The following FRA10AC1 variants were observed in gnomAD, a reference collection of about 807,000 sequenced individuals.
FRA10AC1 encodes the protein FRA10A associated CGG repeat 1.
Under a neutral mutation model 56.5 loss-of-function variants are expected in FRA10AC1, and 43 were observed. The ratio of observed to expected loss-of-function variants is 0.76; its 90% CI spans 0.60 to 0.98. The LOEUF (loss-of-function observed/expected upper bound fraction) is 0.98, where lower values mean the gene tolerates loss of function less well. Among genes scored for constraint, FRA10AC1 ranks in the 50% least tolerant of loss-of-function variants. The probability of loss-of-function intolerance (pLI) is 0.00; values close to 1 mark genes in which losing one functional copy is unlikely to be tolerated. For synonymous variants in FRA10AC1, 112 were observed against 110.5 expected, an observed-to-expected ratio of 1.01 and a Z score of -0.09; for missense variants, 346 against 351.8, an observed-to-expected ratio of 0.98 and a Z score of 0.13.
chr10:93,684,594 A>G (rs2058993389), intron 9 of FRA10AC1, among the ~76,000 whole-genome samples: 1 of 151,260 alleles, frequency 6.6e-6, no homozygotes, highest in Non-Finnish European at 1.5e-5. Context: ...CTGTATTGAC[A>G]TGCATACGTA....
intron 10 of FRA10AC1, among the ~76,000 whole-genome samples, chr10:93,683,172 C>T (rs955125951): frequency 6.6e-6 from 1 of 152,086 alleles, no homozygotes; most frequent in African/African-American, 2.4e-5. Context: ...CTCATTTTTA[C>T]AGGTGATAAA....
intron 7 of FRA10AC1, among the ~76,000 whole-genome samples, chr10:93,689,088 G>A (rs1052177727): frequency 5.4e-5 from 7 of 130,300 alleles, no homozygotes; most frequent in Non-Finnish European, 9.4e-5. Flanking sequence ...TCAGCCTTCC[G>A]AATAGCTAGG....
At chr10:93,673,105 G>A (rs1572772) in intron 12 of FRA10AC1, 183,071 of 274,138 alleles carry the variant, frequency 0.67, 62,057 homozygotes, top group Middle Eastern at 0.72. Flanking sequence ...TGCCAATCCA[G>A]TCCATGCTGG....
intron 12 of FRA10AC1, chr10:93,672,208 C>T: frequency 3.4e-6 from 1 of 298,188 alleles, no homozygotes; most frequent in South Asian, 3.1e-5. Context: ...ACCTGTTGGA[C>T]TCTGATCCCT....
rs1396681543 is a variant in FRA10AC1 at position 93,692,716 on chromosome 10, T to A, written c.310A>T (p.Thr104Ser). Residue 104 changes from threonine to serine, a missense_variant, in exon 6 of 14, where the codon ACA (threonine) becomes TCA (serine). Transcript: ENST00000359204. ...DFKRLGENDK[T>S]DLDVIRENHR... ...TTTTCTCGTATAACATCCAAGTCTG[T>A]CTTGTCATTTTCCCTGGAAAACAGA... The A allele has an allele frequency of 6.3e-7, 1 of 1,582,496 alleles. No individual in the cohort carries two copies. The highest frequency in any genetic ancestry group is 8.6e-7 in the Non-Finnish European group (1 of 1,167,604).
intron 5 of FRA10AC1, among the ~76,000 whole-genome samples, chr10:93,693,720 A>G (rs2059182656): frequency 6.7e-6 from 1 of 148,368 alleles, no homozygotes; most frequent in Non-Finnish European, 1.5e-5. Flanking sequence ...CCATTTATAT[A>G]TACCATGGAA....
intron 6 of FRA10AC1, 53 bp from the exon 7 acceptor site, chr10:93,692,146 G>A: frequency 7.7e-7 from 1 of 1,300,332 alleles, no homozygotes. Context: ...ACCATGGTTT[G>A]CTACTTTCAA....
intron 11 of FRA10AC1, among the ~76,000 whole-genome samples, chr10:93,681,164 A>G (rs958646598): frequency 1.3e-5 from 2 of 152,200 alleles, no homozygotes; most frequent in East Asian, 1.9e-4. Context: ...CCCTATACAC[A>G]TAAGAAAAAT....
rs1253939433 is a variant in FRA10AC1 at position 93,698,138 on chromosome 10, C to A, written c.217G>T (p.Ala73Ser). 1 of 1,530,700 alleles carries A rather than the reference C, an allele frequency of 6.5e-7. No individual in the cohort carries two copies. Among genetic ancestry groups the A allele is most frequent in the Non-Finnish European group, 8.8e-7 (1 of 1,133,358 alleles). The allele number at this position is 1,530,700 out of a possible 1,614,324, so 94.8% of individuals were successfully genotyped here. Residue 73 changes from alanine to serine, a missense_variant and splice_region_variant, in exon 4 of 14, where the codon GCT becomes TCT. Coordinates refer to ENST00000359204, the MANE Select transcript of FRA10AC1 (RefSeq NM_145246.5). ...ATCTGGAAATAAAAAAAGGATACAG[C>A]ATCCATAGCTATGAGATGAAACCTT... ...NRRFHLIAMD[A>S]YQRHTKFVND...
At chr10:93,695,034 T>C (rs1432599240) in intron 4 of FRA10AC1, 97 bp from the exon 5 acceptor site, 1 of 689,328 alleles carries the variant, frequency 1.5e-6, no homozygotes, top group Non-Finnish European at 2.6e-6. Context: ...AATATGAGTC[T>C]ATTTAGCTTT....
intron 8 of FRA10AC1, among the ~76,000 whole-genome samples, chr10:93,687,129 C>T (rs2059043560): frequency 1.3e-5 from 2 of 151,688 alleles, no homozygotes; most frequent in Non-Finnish European, 1.5e-5. Context: ...AGTTGTCTTG[C>T]TATGAAATCT....
At chr10:93,682,270 G>T (rs140994570) in intron 10 of FRA10AC1, among the ~76,000 whole-genome samples, 311 of 152,264 alleles carry the variant, frequency 2.0e-3, no homozygotes, top group African/African-American at 7.1e-3. Context: ...CTGGCAAGGA[G>T]AATAGAGACA....
chr10:93,702,067 C>T (rs2059342961), intron 1 of FRA10AC1, among the ~76,000 whole-genome samples: 1 of 152,060 alleles, frequency 6.6e-6, no homozygotes. Flanking sequence ...CCCCAGGACA[C>T]GACTTCCTAT....
chr10:93,700,265 A>C (rs2059308715), intron 1 of FRA10AC1, among the ~76,000 whole-genome samples, 159 bp from the exon 2 acceptor site: 1 of 152,220 alleles, frequency 6.6e-6, no homozygotes, highest in Admixed American at 6.5e-5. Context: ...TAAAACTTTC[A>C]TTCGCTTTTA....
intron 11 of FRA10AC1, 46 bp downstream of exon 11, chr10:93,681,434 C>A (rs373405652): frequency 2.5e-6 from 3 of 1,189,010 alleles, no homozygotes; most frequent in Non-Finnish European, 3.6e-6. Context: ...GATTATATTT[C>A]ATGCTCACAA....
chr10:93,687,590 T>C (rs2059053313), intron 7 of FRA10AC1, 141 bp from the exon 8 acceptor site: 2 of 779,654 alleles, frequency 2.6e-6, no homozygotes, highest in African/African-American at 3.5e-5. Flanking sequence ...CTTATAGGAT[T>C]TGAAGAAAAT....
In FRA10AC1 at chr10:93,681,567, C is replaced by T. The variant is rs1318313661; in HGVS notation, c.700G>A (p.Asp234Asn). The T allele has an allele frequency of 3.9e-6, 6 of 1,553,226 alleles. No individual in the cohort carries two copies. The highest frequency in any genetic ancestry group is 4.3e-6 in the Non-Finnish European group (5 of 1,154,162). Residue 234 changes from aspartate (D) to asparagine (N), a missense_variant, in exon 11 of 14, where the codon GAT becomes AAT. Asp to Asn is a conservative substitution (Grantham distance 23, BLOSUM62 1). Coordinates refer to ENST00000359204, the MANE Select transcript of FRA10AC1 (RefSeq NM_145246.5). Reference protein sequence around the residue: ...RKEIKSKKRKDKTKKDCEESS... With the variant: ...RKEIKSKKRKNKTKKDCEESS... The stretch of plus-strand genomic sequence containing the variant: ...TCTTCACAGTCTTTTTTGGTTTTAT[C>T]TTTTCTTTTTTTTGACTTGATTTCT...
chr10:93,670,651 G>A, intron 13 of FRA10AC1, 119 bp downstream of exon 13: 1 of 605,174 alleles, frequency 1.7e-6, no homozygotes. Flanking sequence ...ACCAGGCTAG[G>A]CAGTCCTTGG....
intron 9 of FRA10AC1, among the ~76,000 whole-genome samples, 168 bp from the exon 10 acceptor site, chr10:93,684,266 T>C (rs543953492): frequency 6.6e-6 from 1 of 152,218 alleles, no homozygotes; most frequent in East Asian, 1.9e-4. Flanking sequence ...TGCAAATATA[T>C]ACACACATAC....
Sources: allele counts gnomAD v4.1 joint callset (sites outside exome capture counted in the v4.1 genomes callset), GRCh38; gene constraint gnomAD v4.1.1; transcripts MANE v1.5; gene names NCBI Gene and HGNC (gene_info 2026-07-23, HGNC 2026-07-21).